MAPKBP1: variants seen among roughly 807,000 people sequenced by gnomAD.
The protein encoded by MAPKBP1 is mitogen-activated protein kinase binding protein 1.
A neutral mutation model predicts 170.5 loss-of-function variants in MAPKBP1; 71 were observed. The ratio of observed to expected loss-of-function variants is 0.42; its 90% CI spans 0.34 to 0.51. MAPKBP1 has a LOEUF of 0.51. Ranked by LOEUF, MAPKBP1 falls within the 20% of genes least tolerant of loss-of-function variation. The pLI, the probability that MAPKBP1 is intolerant of heterozygous loss-of-function variation, is 0.06. For missense variants in MAPKBP1, 1,598 were observed against 1,933.0 expected (o/e 0.83, Z 3.25); for synonymous variants, 719 against 757.9 (o/e 0.95, Z 0.84).
At position 41,817,118 on chromosome 15, in the gene MAPKBP1, C is replaced by G. The variant is rs771782618; in HGVS notation, c.1711+83C>G. On this transcript the variant is annotated intron_variant, in intron 14 of 30. Coordinates refer to ENST00000457542, the MANE Select transcript of MAPKBP1 (RefSeq NM_014994.3). The surrounding 1 kb of genome is among the most constrained non-coding windows in gnomAD (Gnocchi z 4.2). ...TCCCACCTCCATGAGAAGGGTCTGC[C>G]CATTGTGGGGGAGTGTTGGACAGCA... 6.6e-7 allele frequency: 1 copy of G among 1,522,732 alleles called. No homozygotes were observed. The highest frequency in any genetic ancestry group is 8.8e-7 in the Non-Finnish European group (1 of 1,133,602). 94.3% of individuals were successfully genotyped at this position (1,522,732 alleles called of 1,614,324 possible). A position where few individuals can be genotyped will look rare whatever the true frequency, so the allele number is the denominator to read the frequency against.
chr15:41,787,568 A>G (rs1276345649), intron 2 of MAPKBP1, among the ~76,000 whole-genome samples: 1 of 152,070 alleles, frequency 6.6e-6, no homozygotes, highest in African/African-American at 2.4e-5. Flanking sequence ...GGGTTTCACC[A>G]TGTTGGCCAG....
chr15:41,788,327 G>A (rs1437322030), intron 2 of MAPKBP1, among the ~76,000 whole-genome samples: 2 of 152,182 alleles, frequency 1.3e-5, no homozygotes, highest in African/African-American at 4.8e-5. Context: ...ATTAAACACT[G>A]TGCCCTGTGC....
intron 3 of MAPKBP1, among the ~76,000 whole-genome samples, chr15:41,805,433 A>C (rs1015087216): frequency 7.9e-5 from 12 of 152,244 alleles, no homozygotes; most frequent in Non-Finnish European, 1.3e-4. Context: ...CCCTGTGCCC[A>C]GTCCTGAGAA....
chr15:41,809,789 G>C (rs944353274), intron 3 of MAPKBP1, among the ~76,000 whole-genome samples: 1 of 152,254 alleles, frequency 6.6e-6, no homozygotes, highest in Non-Finnish European at 1.5e-5. Flanking sequence ...GGCAGGACCT[G>C]ATTCCATCCA....
At position 41,775,876 on chromosome 15, in the gene MAPKBP1, AT is replaced by A. The variant is rs376202457; in HGVS notation, c.114+495del. On this transcript the variant is annotated intron_variant, in intron 2 of 30. Transcript: ENST00000457542. ...TTGCTCTTGCCTACGGTGAAAACAAATTTTTTTTGTCTCTTCAAGAGGCTAA... is the reference window on the plus strand; with the variant it reads ...TTGCTCTTGCCTACGGTGAAAACAAATTTTTTTGTCTCTTCAAGAGGCTAA... 3.1e-4 allele frequency among the ~76,000 whole-genome samples: 47 copies of A among 152,220 alleles called. 1 individual carries two copies. The highest frequency in any genetic ancestry group is 2.3e-3 in the South Asian group (11 of 4,820).
intron 2 of MAPKBP1, among the ~76,000 whole-genome samples, chr15:41,785,911 C>T (rs2064278576): frequency 6.6e-6 from 1 of 152,186 alleles, no homozygotes; most frequent in South Asian, 2.1e-4. Context: ...TGTGCAGACA[C>T]TCATACTGCA....
chr15:41,819,548 G>GGGA, intron 21 of MAPKBP1, 47 bp from the exon 22 acceptor site: 4 of 993,418 alleles, frequency 4.0e-6, no homozygotes, highest in African/African-American at 5.3e-5. Context: ...GTTGGGTGGC[G>GGGA]GGGGGGGGGC....
intron 3 of MAPKBP1, among the ~76,000 whole-genome samples, chr15:41,809,661 G>A (rs1463352088): frequency 6.6e-6 from 1 of 152,226 alleles, no homozygotes; most frequent in African/African-American, 2.4e-5. Flanking sequence ...AAGGGGCAAC[G>A]GGCCAGGGCC....
rs552539733 is a variant in MAPKBP1, at chr15:41,815,704, T to C, written c.1398T>C (p.Asp466=). ...DTELPGGDKA[D]ASLLDPRVGI... is the part of the protein sequence containing the mutation. ...AGCTGCCTGGAGGAGACAAAGCTGA[T>C]GCATCCCTGTTGGATCCCCGCGTGG... is the stretch of plus-strand genomic sequence containing the variant. Residue 466 remains aspartate (D), a synonymous_variant, in exon 12 of 31, where the codon GAT becomes GAC. Coordinates refer to ENST00000457542, the MANE Select transcript of MAPKBP1 (RefSeq NM_014994.3). The C allele has an allele frequency of 6.2e-7, 1 of 1,614,188 alleles. No individual in the cohort carries two copies. The highest frequency in any genetic ancestry group is 8.5e-7 in the Non-Finnish European group (1 of 1,180,026).
chr15:41,775,039 G>A lies in MAPKBP1; in HGVS notation c.-109-128G>A, dbSNP rs887222482. Reference sequence around the variant, plus strand: ...TGAGCCTTTCCTTCCGACGTTGTAAGAAACTGTGCAGGGCTAGAAGGTGGG... The same window carrying A: ...TGAGCCTTTCCTTCCGACGTTGTAAAAAACTGTGCAGGGCTAGAAGGTGGG... On this transcript the variant is annotated intron_variant, in intron 1 of 30. Transcript: ENST00000457542. 4 of 451,088 alleles carry A rather than the reference G, an allele frequency of 8.9e-6. No homozygotes were observed. In the South Asian group the frequency reaches 1.5e-4, roughly 17 times the overall value. The allele number at this position is 451,088 out of a possible 1,614,324, so 27.9% of individuals were successfully genotyped here.
intron 13 of MAPKBP1, 45 bp downstream of exon 13, chr15:41,816,695 C>T (rs375486310): frequency 1.2e-4 from 183 of 1,557,430 alleles, no homozygotes; most frequent in Non-Finnish European, 1.4e-4. Flanking sequence ...CCAGTCCTGC[C>T]GGTGCCACTT....
intron 22 of MAPKBP1, among the ~76,000 whole-genome samples, chr15:41,820,320 G>A (rs1007871584): frequency 6.6e-6 from 1 of 152,196 alleles, no homozygotes; most frequent in Non-Finnish European, 1.5e-5. Context: ...GGTGCTGTGA[G>A]GGGACTTTGG....
intron 3 of MAPKBP1, among the ~76,000 whole-genome samples, chr15:41,809,052 T>G: frequency 8.3e-6 from 1 of 120,786 alleles, no homozygotes; most frequent in Admixed American, 1.0e-4. Context: ...CCAGCCTGGG[T>G]GACAGAGCGA....
At chr15:41,813,869 T>A in intron 9 of MAPKBP1, 88 bp downstream of exon 9, 2 of 1,400,198 alleles carry the variant, frequency 1.4e-6, no homozygotes, top group Non-Finnish European at 1.9e-6. Context: ...AGGTGAAGAG[T>A]GTATTGATGC....
chr15:41,789,188 G>A (rs879288887), intron 2 of MAPKBP1, among the ~76,000 whole-genome samples: 2 of 152,104 alleles, frequency 1.3e-5, no homozygotes, highest in Non-Finnish European at 2.9e-5. Flanking sequence ...AAAATCAGGT[G>A]TGTAGAGGAA....
chr15:41,823,471 C>T lies in MAPKBP1; in HGVS notation c.3623C>T (p.Ala1208Val), dbSNP rs568805335. 3 of 1,613,372 alleles carry T rather than the reference C, an allele frequency of 1.9e-6. No individual in the cohort carries two copies. Among genetic ancestry groups the T allele is most frequent in the African/African-American group, 2.7e-5 (2 of 75,038 alleles). The change falls in exon 29 of 31, where the codon GCC (alanine) becomes GTC (valine). Residue 1208 changes from alanine (A) to valine (V), a missense_variant. Ala to Val is a moderately conservative substitution (Grantham distance 64). Around this residue, in one of 6 missense-constraint regions of MAPKBP1, gnomAD observed 942 missense variants for 953.2 expected, o/e 0.99. Transcript: ENST00000457542. ...PQERHEASLQAPSPGALLSRE... is the reference protein window; with the variant it reads ...PQERHEASLQVPSPGALLSRE... ...GAAAGACATGAGGCCAGTCTGCAGGCCCCTTCACCAGGCGCACTGCTGTCT... is the reference window on the plus strand; with the variant it reads ...GAAAGACATGAGGCCAGTCTGCAGGTCCCTTCACCAGGCGCACTGCTGTCT...
intron 3 of MAPKBP1, among the ~76,000 whole-genome samples, chr15:41,808,117 T>C (rs1289565989): frequency 6.8e-6 from 1 of 147,046 alleles, no homozygotes; most frequent in Non-Finnish European, 1.5e-5. Context: ...TTTTTTTTTT[T>C]TTTTTTGTAG....
rs1401366416 is a variant in MAPKBP1 at position 41,824,017 on chromosome 15, C to G, written c.4169C>G (p.Pro1390Arg). The G allele has an allele frequency of 3.7e-6, 6 of 1,611,016 alleles. No individual in the cohort carries two copies. Among genetic ancestry groups the G allele is most frequent in the African/African-American group, 2.7e-5 (2 of 74,916 alleles). ...QPPPPEKTPNPMECTKPGAAL... is the reference protein window; with the variant it reads ...QPPPPEKTPNRMECTKPGAAL... ...CCACCCCCTGAGAAGACTCCCAACC[C>G]CATGGAATGCACCAAGCCAGGGGCA... The change falls in exon 29 of 31, where the codon CCC (proline) becomes CGC (arginine). Residue 1390 changes from proline to arginine, a missense_variant. Transcript: ENST00000457542.
At chr15:41,780,123 T>G (rs2064160465) in intron 2 of MAPKBP1, among the ~76,000 whole-genome samples, 2 of 152,214 alleles carry the variant, frequency 1.3e-5, no homozygotes, top group Non-Finnish European at 2.9e-5. Flanking sequence ...CTACTTGGCC[T>G]CACTCATTTC....
Sources: gnomAD v4.1 joint callset for allele counts (sites outside exome capture counted in the v4.1 genomes callset) on GRCh38, gnomAD v4.1.1 for gene constraint, gnomAD v4.1.1 regional missense constraint, Gnocchi (gnomAD v3.1) non-coding constraint, MANE v1.5 for transcripts, NCBI Gene and HGNC (gene_info 2026-07-23, HGNC 2026-07-21) for gene names.